ST3GAL4: variants seen among roughly 807,000 people sequenced by gnomAD.
ST3GAL4 encodes the protein CMP-N-acetylneuraminate-beta-galactosamide-alpha-2,3-sialyltransferase 4.
In ST3GAL4, 24 loss-of-function variants were observed where a neutral mutation model predicts 42.6. The observed-to-expected ratio is 0.56, with a 90% CI of 0.41 to 0.79. ST3GAL4 has a LOEUF of 0.79. ST3GAL4 is among the 30% of genes least tolerant of loss of function. The pLI, the probability that ST3GAL4 is intolerant of heterozygous loss-of-function variation, is 0.00. For missense variants in ST3GAL4, 311 were observed against 430.8 expected (o/e 0.72, Z 2.46); for synonymous variants, 135 against 163.2 (o/e 0.83, Z 1.32).
chr11:126,357,370 AAG>A (rs1952106695), intron 1 of ST3GAL4, among the ~76,000 whole-genome samples: 1 of 152,176 alleles, frequency 6.6e-6, no homozygotes, highest in Non-Finnish European at 1.5e-5. Flanking sequence ...ACATGGAAGG[AAG>A]AGTTAGAAGA....
intron 10 of ST3GAL4, 73 bp downstream of exon 10, chr11:126,413,721 T>C: frequency 6.3e-7 from 1 of 1,589,348 alleles, no homozygotes; most frequent in Middle Eastern, 1.7e-4. Flanking sequence ...ACTGGGTGAG[T>C]GGGAGCAGTG....
chr11:126,361,738 G>T (rs1046344953), intron 1 of ST3GAL4, among the ~76,000 whole-genome samples: 5 of 152,244 alleles, frequency 3.3e-5, no homozygotes, highest in African/African-American at 4.8e-5. Flanking sequence ...TGGGGGTAGT[G>T]CCTGAGGTGG....
In ST3GAL4 at chr11:126,359,308, A is replaced by C. The variant is rs1313813385; in HGVS notation, c.-61+3466A>C. On this transcript the variant is annotated intron_variant, in intron 1 of 10. Transcript: ENST00000444328. The surrounding 1 kb of genome is among the most constrained non-coding windows in gnomAD (Gnocchi z 4.8). ...TGGCCCAATAAACTTAAAAAAAAAA[A>C]AAAGATGTGCTAGACACTTTACGTC... 6.6e-6 allele frequency among the ~76,000 whole-genome samples: 1 copy of C among 152,200 alleles called. No individual in the cohort carries two copies. The highest frequency in any genetic ancestry group is 6.5e-5 in the Admixed American group (1 of 15,280).
At position 126,409,177 on chromosome 11, in the gene ST3GAL4, AC is replaced by A; in HGVS notation, c.628-86del. 1 of 1,531,866 alleles carries A rather than the reference AC, an allele frequency of 6.5e-7. No homozygotes were observed. The highest frequency in any genetic ancestry group is 2.3e-5 in the East Asian group (1 of 44,116). The allele number at this position is 1,531,866 out of a possible 1,614,324, so 94.9% of individuals were successfully genotyped here. The stretch of plus-strand genomic sequence containing the variant: ...CCTGAAGGCCTCTGCCATCGCTTGG[AC>A]CCCCTCGCCTCGCTGAGGACCACTG... On this transcript the variant is annotated intron_variant, in intron 8 of 10. Coordinates refer to ENST00000444328, the MANE Select transcript of ST3GAL4 (RefSeq NM_001254757.2). The surrounding 1 kb of genome is among the most constrained non-coding windows in gnomAD (Gnocchi z 4.9).
rs999051516 is a variant in ST3GAL4, at chr11:126,411,390, G to A, written c.771+1979G>A. On this transcript the variant is annotated intron_variant, in intron 9 of 10. Transcript: ENST00000444328. The surrounding 1 kb of genome is among the most constrained non-coding windows in gnomAD (Gnocchi z 6.3). ...TGACCTTAGGTGATCTACCCGCCTC[G>A]GCCTCCCAAAGTGCTGGGATTACAG... is the stretch of plus-strand genomic sequence containing the variant. 3.9e-5 allele frequency among the ~76,000 whole-genome samples: 6 copies of A among 151,994 alleles called. No homozygotes were observed. Among genetic ancestry groups the A allele is most frequent in the Non-Finnish European group, 8.8e-5 (6 of 67,990 alleles).
At chr11:126,408,253 T>C in intron 7 of ST3GAL4, 54 bp from the exon 8 acceptor site, 1 of 1,612,804 alleles carries the variant, frequency 6.2e-7, no homozygotes, top group African/African-American at 1.3e-5. Flanking sequence ...AGCCAGGGAC[T>C]GTAGACAGGC....
chr11:126,412,615 G>A (rs1418573960), intron 9 of ST3GAL4, among the ~76,000 whole-genome samples: 1 of 152,204 alleles, frequency 6.6e-6, no homozygotes, highest in Non-Finnish European at 1.5e-5. Context: ...GCAGAGGTGG[G>A]TGGATCGCTT....
intron 1 of ST3GAL4, among the ~76,000 whole-genome samples, chr11:126,356,762 CACCGCCGGAGGCGGGT>C (rs1952081865): frequency 6.6e-6 from 1 of 152,256 alleles, no homozygotes; most frequent in South Asian, 2.1e-4. Context: ...CTGTACTTTC[CACCGCCGGAGGCGGGT>C]ACCGCGTGGA....
In ST3GAL4 at chr11:126,397,512, G is replaced by C. The variant is rs1953831734; in HGVS notation, c.-60-8584G>C. The stretch of plus-strand genomic sequence containing the variant: ...TGGGAACCAAAACATCAGTCATTTG[G>C]AAGTATAAGTCAAGCCTTCGTAGGA... On this transcript the variant is annotated intron_variant, in intron 1 of 10. Coordinates refer to ENST00000444328, the MANE Select transcript of ST3GAL4 (RefSeq NM_001254757.2). The surrounding 1 kb of genome is among the most constrained non-coding windows in gnomAD (Gnocchi z 5.0). Among the ~76,000 whole-genome samples, 1 of 152,158 alleles carries C rather than the reference G, an allele frequency of 6.6e-6. No homozygotes were observed. Among genetic ancestry groups the C allele is most frequent in the African/African-American group, 2.4e-5 (1 of 41,430 alleles).
At chr11:126,358,636 T>C in intron 1 of ST3GAL4, 1 of 286,884 alleles carries the variant, frequency 3.5e-6, no homozygotes, top group Non-Finnish European at 7.2e-6. Context: ...CTGGAGCCCC[T>C]GAGCCCTGCA....
chr11:126,368,629 G>T (rs1952523364), intron 1 of ST3GAL4, among the ~76,000 whole-genome samples: 2 of 152,286 alleles, frequency 1.3e-5, no homozygotes, highest in African/African-American at 4.8e-5. Flanking sequence ...TAGGAAGTGG[G>T]TACAGCTGGA....
chr11:126,398,595 A>G lies in ST3GAL4; in HGVS notation c.-60-7501A>G, dbSNP rs1953874993. On this transcript the variant is annotated intron_variant, in intron 1 of 10. Transcript: ENST00000444328. The surrounding 1 kb of genome is among the most constrained non-coding windows in gnomAD (Gnocchi z 4.7). ...TCCACTAGGCTTCCTGGGGACTCTC[A>G]GCAGCTCAGACTCCACAGTTCTGCT... is the stretch of plus-strand genomic sequence containing the variant. Among the ~76,000 whole-genome samples, 1 of 152,220 alleles carries G rather than the reference A, an allele frequency of 6.6e-6. No individual in the cohort carries two copies. Among genetic ancestry groups the G allele is most frequent in the Non-Finnish European group, 1.5e-5 (1 of 68,032 alleles).
intron 1 of ST3GAL4, among the ~76,000 whole-genome samples, chr11:126,368,503 G>T (rs774779318): frequency 6.6e-6 from 1 of 152,226 alleles, no homozygotes; most frequent in East Asian, 1.9e-4. Flanking sequence ...TATTCCGTCA[G>T]CCCTTCTGTG....
In ST3GAL4 at chr11:126,398,623, GC is replaced by G. The variant is rs1953876237; in HGVS notation, c.-60-7472del. ...AGCTCAGACTCCACAGTTCTGCTGG[GC>G]ATTGCCCTACAGGGGCTCCCTGGTG... On this transcript the variant is annotated intron_variant, in intron 1 of 10. Coordinates refer to ENST00000444328, the MANE Select transcript of ST3GAL4 (RefSeq NM_001254757.2). The surrounding 1 kb of genome is among the most constrained non-coding windows in gnomAD (Gnocchi z 4.7). 6.6e-6 allele frequency among the ~76,000 whole-genome samples: 1 copy of G among 152,242 alleles called. No homozygotes were observed. The highest frequency in any genetic ancestry group is 1.5e-5 in the Non-Finnish European group (1 of 68,034).
At chr11:126,367,621 T>C (rs1286814744) in intron 1 of ST3GAL4, among the ~76,000 whole-genome samples, 2 of 152,322 alleles carry the variant, frequency 1.3e-5, no homozygotes, top group African/African-American at 4.8e-5. Context: ...AGGACACCTC[T>C]GAGGACTTGC....
chr11:126,404,293 T>C (rs185648807), intron 1 of ST3GAL4, among the ~76,000 whole-genome samples: 1 of 152,304 alleles, frequency 6.6e-6, no homozygotes, highest in Non-Finnish European at 1.5e-5. Context: ...GACTTCTCAG[T>C]TTGACAGCAA....
At chr11:126,380,259 CAAAA>C (rs781686402) in intron 1 of ST3GAL4, among the ~76,000 whole-genome samples, 2 of 114,704 alleles carry the variant, frequency 1.7e-5, no homozygotes, top group African/African-American at 3.2e-5. Flanking sequence ...GAGACTGTAT[CAAAA>C]AAAAAAAAAA....
chr11:126,369,176 T>C (rs1348028031), intron 1 of ST3GAL4, among the ~76,000 whole-genome samples: 1 of 152,158 alleles, frequency 6.6e-6, no homozygotes. Flanking sequence ...ATTTCAGTAA[T>C]TGTCTTTGGA....
At position 126,389,335 on chromosome 11, in the gene ST3GAL4, T is replaced by C. The variant is rs186415826; in HGVS notation, c.-60-16761T>C. ...TATTATCTCTCATATGACGTTAGAT[T>C]TTTTTCCTTTAAGAAATAAAATATT... On this transcript the variant is annotated intron_variant, in intron 1 of 10. Coordinates refer to ENST00000444328, the MANE Select transcript of ST3GAL4 (RefSeq NM_001254757.2). Among the ~76,000 whole-genome samples, 859 of 152,270 alleles carry C rather than the reference T, an allele frequency of 5.6e-3. 8 individuals are homozygous for C. Among genetic ancestry groups the C allele is most frequent in the Non-Finnish European group, 8.7e-3 (595 of 68,012 alleles).
Sources: allele counts gnomAD v4.1 joint callset (sites outside exome capture counted in the v4.1 genomes callset), GRCh38; gene constraint gnomAD v4.1.1; non-coding constraint Gnocchi (gnomAD v3.1); transcripts MANE v1.5; gene names NCBI Gene and HGNC (gene_info 2026-07-23, HGNC 2026-07-21).